Variants in GOLGB1 observed in about 807,000 individuals in gnomAD.
GOLGB1 encodes golgin B1, also known as golgin subfamily B member 1.
In GOLGB1, 174 loss-of-function variants were observed where a neutral mutation model predicts 336.9. The observed-to-expected ratio is 0.52, with a 90% CI of 0.46 to 0.59. The LOEUF (loss-of-function observed/expected upper bound fraction) is 0.59, where lower values mean the gene tolerates loss of function less well. Ranked by LOEUF, GOLGB1 falls within the 20% of genes least tolerant of loss-of-function variation. The probability of loss-of-function intolerance (pLI) is 0.00; values close to 1 mark genes in which losing one functional copy is unlikely to be tolerated. For missense variants in GOLGB1, 3,331 were observed against 3,645.3 expected, an observed-to-expected ratio of 0.91 and a Z score of 2.22; for synonymous variants, 1,208 against 1,289.2, an observed-to-expected ratio of 0.94 and a Z score of 1.35.
chr3:121,669,017 G>A (rs930713110), intron 18 of GOLGB1, among the ~76,000 whole-genome samples, 195 bp downstream of exon 18: 1 of 152,064 alleles, frequency 6.6e-6, no homozygotes, highest in Non-Finnish European at 1.5e-5. Flanking sequence ...CCATCTCACT[G>A]ATCTTTTTTC....
chr3:121,747,382 T>C (rs1439338212), intron 1 of GOLGB1, among the ~76,000 whole-genome samples: 5 of 146,062 alleles, frequency 3.4e-5, no homozygotes, highest in Non-Finnish European at 7.5e-5. Flanking sequence ...TATGTCTATA[T>C]ACGTATATAT....
chr3:121,744,546 G>A (rs1371619793), intron 1 of GOLGB1, among the ~76,000 whole-genome samples: 1 of 149,210 alleles, frequency 6.7e-6, no homozygotes, highest in African/African-American at 2.5e-5. Flanking sequence ...TTGAGCCCAG[G>A]AGTTTGAGAG....
rs1221307449 is a variant in GOLGB1, at chr3:121,691,461, A to G, written c.7903T>C (p.Tyr2635His). 1 of 1,613,634 alleles carries G rather than the reference A, an allele frequency of 6.2e-7. No homozygotes were observed. Among genetic ancestry groups the G allele is most frequent in the Non-Finnish European group, 8.5e-7 (1 of 1,179,978 alleles). ...TCTTTTACTTTTAACTGGGCATGAT[A>G]GAGTCCTAAAGTACCTTCTTCTTGC... ...ALQEEGTLGL[Y>H]HAQLKVKEEE... Residue 2635 changes from tyrosine to histidine, a missense_variant, in exon 14 of 22, where the codon TAT (tyrosine) becomes CAT (histidine). By Grantham distance (83) the Tyr-to-His change is moderately conservative (BLOSUM62 2). Transcript: ENST00000614479.
intron 1 of GOLGB1, chr3:121,748,878 C>G (rs1947558451): frequency 3.1e-6 from 3 of 983,440 alleles, no homozygotes; most frequent in Non-Finnish European, 2.4e-6. Context: ...ATATATTCCT[C>G]ATTCCTCAAA....
chr3:121,715,997 A>AC (rs1054327828), intron 9 of GOLGB1, among the ~76,000 whole-genome samples: 6 of 151,984 alleles, frequency 3.9e-5, no homozygotes, highest in Admixed American at 2.0e-4. Context: ...TGTCACAAAA[A>AC]AAAAAAAACA....
chr3:121,665,372 G>A (rs927018794), intron 20 of GOLGB1, among the ~76,000 whole-genome samples: 1 of 152,184 alleles, frequency 6.6e-6, no homozygotes, highest in African/African-American at 2.4e-5. Flanking sequence ...TGCCCATGGC[G>A]GCACAGCCAG....
chr3:121,732,201 C>T (rs1409682891), intron 1 of GOLGB1, among the ~76,000 whole-genome samples: 1 of 152,060 alleles, frequency 6.6e-6, no homozygotes, highest in Admixed American at 6.5e-5. Flanking sequence ...TATATACACA[C>T]ATATAAATAT....
Position 121,730,881 on chromosome 3 carries a change from C to T in GOLGB1, c.91G>A (p.Asp31Asn). ...DTDQNMRAPLDPELHQESDME... is the reference protein window; with the variant it reads ...DTDQNMRAPLNPELHQESDME... ...ATCAGAACAGAACTACTCACAGGGTCTAGGGGAGCCCTCATATTCTGATCA... is the reference window on the plus strand; with the variant it reads ...ATCAGAACAGAACTACTCACAGGGTTTAGGGGAGCCCTCATATTCTGATCA... The change falls in exon 2 of 22, where the codon GAC (aspartate) becomes AAC (asparagine). Residue 31 changes from aspartate (D) to asparagine (N), a missense_variant. Asp to Asn is a conservative substitution (Grantham distance 23). Transcript: ENST00000614479. 6.2e-7 allele frequency: 1 copy of T among 1,612,096 alleles called. No individual in the cohort carries two copies.
rs1392260527 is a variant in GOLGB1, at chr3:121,663,977, A to C, written c.*503T>G. The C allele has an allele frequency of 1.3e-5, 2 of 158,374 alleles. No homozygotes were observed. The highest frequency in any genetic ancestry group is 4.8e-5 in the African/African-American group (2 of 41,504). 9.8% of individuals were successfully genotyped at this position (158,374 alleles called of 1,614,324 possible). ...ACCACCCTATTCTGCAAGAGACCTA[A>C]ATCAGATGTCCTATGAGGTGACATG... On this transcript the variant is annotated 3_prime_UTR_variant, in exon 22 of 22. Transcript: ENST00000614479.
intron 9 of GOLGB1, among the ~76,000 whole-genome samples, chr3:121,715,369 A>ATTTTTTTTTTTTT (rs373634444): frequency 7.8e-6 from 1 of 128,594 alleles, no homozygotes. Flanking sequence ...TGCCTGGCTA[A>ATTTTTTTTTTTTT]TTTTTTTTTT....
At chr3:121,678,567 T>C (rs1361877112) in intron 15 of GOLGB1, among the ~76,000 whole-genome samples, 1 of 147,312 alleles carries the variant, frequency 6.8e-6, no homozygotes, top group Non-Finnish European at 1.5e-5. Flanking sequence ...TGAAAGCTTT[T>C]TGAATTTTTT....
At chr3:121,688,179 T>C (rs1941960219) in intron 14 of GOLGB1, among the ~76,000 whole-genome samples, 1 of 152,084 alleles carries the variant, frequency 6.6e-6, no homozygotes, top group Non-Finnish European at 1.5e-5. Flanking sequence ...CCTCTCCCTC[T>C]CTCTCTCCCC....
intron 6 of GOLGB1, among the ~76,000 whole-genome samples, chr3:121,720,423 A>G (rs2108168351): frequency 6.6e-6 from 1 of 152,296 alleles, no homozygotes; most frequent in South Asian, 2.1e-4. Context: ...ACTGATGGTG[A>G]GCTGCTCAGT....
At chr3:121,670,043 C>T (rs1022059566) in intron 17 of GOLGB1, among the ~76,000 whole-genome samples, 5 of 152,130 alleles carry the variant, frequency 3.3e-5, no homozygotes, top group African/African-American at 1.2e-4. Flanking sequence ...TGTCAGGGCG[C>T]CCACTGCCTG....
intron 1 of GOLGB1, among the ~76,000 whole-genome samples, chr3:121,733,262 G>A (rs916147595): frequency 1.5e-5 from 2 of 137,278 alleles, no homozygotes; most frequent in Non-Finnish European, 1.5e-5. Flanking sequence ...GGTGGAGCTT[G>A]CAGTGAGCCT....
chr3:121,684,392 T>TA (rs1312170973), intron 14 of GOLGB1, among the ~76,000 whole-genome samples: 1 of 151,278 alleles, frequency 6.6e-6, no homozygotes, highest in Non-Finnish European at 1.5e-5. Flanking sequence ...AGGAAAATGG[T>TA]AAAAAATAAT....
Position 121,690,856 on chromosome 3 carries a change from C to A in GOLGB1, c.8508G>T (p.Val2836=). 1.2e-6 allele frequency: 2 copies of A among 1,613,822 alleles called. No homozygotes were observed. The highest frequency in any genetic ancestry group is 1.7e-6 in the Non-Finnish European group (2 of 1,179,814). The change falls in exon 14 of 22, where the codon GTG becomes GTT. Residue 2836 remains valine, a synonymous_variant. Transcript: ENST00000614479. ...TGGCCATAGCCTTGGAAAAGGACTG[C>A]ACTTGGTTATAAGAATCTTCTAGTT... is the stretch of plus-strand genomic sequence containing the variant. ...SSQLEDSYNQ[V]QSFSKAMASL...
In GOLGB1 at chr3:121,691,660, C is replaced by G; in HGVS notation, c.7704G>C (p.Lys2568Asn). 3 of 1,611,542 alleles carry G rather than the reference C, an allele frequency of 1.9e-6. No individual in the cohort carries two copies. Among genetic ancestry groups the G allele is most frequent in the Non-Finnish European group, 2.5e-6 (3 of 1,179,464 alleles). ...ATTTAGCATATTTATTTTCCAGCTC[C>G]TTATTTTGCTGAAGTTGAACTTCAA... ...QLLEVQLQQNKELENKYAKLE... is the reference protein window; with the variant it reads ...QLLEVQLQQNNELENKYAKLE... The change falls in exon 14 of 22, where the codon AAG (lysine) becomes AAC (asparagine). Residue 2568 changes from lysine (K) to asparagine (N), a missense_variant. Coordinates refer to ENST00000614479, the MANE Select transcript of GOLGB1 (RefSeq NM_001366282.2).
In GOLGB1 at chr3:121,696,685, G is replaced by A; in HGVS notation, c.3838C>T (p.His1280Tyr). The A allele has an allele frequency of 6.2e-7, 1 of 1,614,108 alleles. No homozygotes were observed. The highest frequency in any genetic ancestry group is 1.3e-5 in the African/African-American group (1 of 75,050). ...EPLFKATEQHHTQPVLESNLC... is the reference protein window; with the variant it reads ...EPLFKATEQHYTQPVLESNLC... ...TTGGACTCTAAAACAGGTTGAGTGT[G>A]ATGCTGTTCTGTGGCTTTGAATAAA... The change falls in exon 13 of 22, where the codon CAC (histidine) becomes TAC (tyrosine). Residue 1280 changes from histidine to tyrosine, a missense_variant. Coordinates refer to ENST00000614479, the MANE Select transcript of GOLGB1 (RefSeq NM_001366282.2).
Sources: allele counts gnomAD v4.1 joint callset (sites outside exome capture counted in the v4.1 genomes callset), GRCh38; gene constraint gnomAD v4.1.1; transcripts MANE v1.5; gene names NCBI Gene and HGNC (gene_info 2026-07-23, HGNC 2026-07-21).